The following SEPTIN9 variants were observed in gnomAD, a reference collection of about 807,000 sequenced individuals.
SEPTIN9 encodes the protein septin-9.
In SEPTIN9, 13 loss-of-function variants were observed where a neutral mutation model predicts 56.6. The ratio of observed to expected loss-of-function variants is 0.23; its 90% CI spans 0.15 to 0.37. The LOEUF is 0.37. Among genes scored for constraint, SEPTIN9 ranks in the 10% least tolerant of loss-of-function variants. The probability of loss-of-function intolerance (pLI) is 1.00; values close to 1 mark genes in which losing one functional copy is unlikely to be tolerated. For missense variants in SEPTIN9, 650 were observed against 823.1 expected, an observed-to-expected ratio of 0.79 and a Z score of 2.57; for synonymous variants, 332 against 334.1, an observed-to-expected ratio of 0.99 and a Z score of 0.07.
chr17:77,488,122 G>C (rs568470459), intron 5 of SEPTIN9, 118 bp from the exon 6 acceptor site: 4 of 887,316 alleles, frequency 4.5e-6, no homozygotes, highest in Non-Finnish European at 5.6e-6. Flanking sequence ...TTAATTTCCC[G>C]GTGTCTCCTT....
At chr17:77,387,771 G>A (rs981039766) in intron 2 of SEPTIN9, among the ~76,000 whole-genome samples, 11 of 152,172 alleles carry the variant, frequency 7.2e-5, no homozygotes, top group African/African-American at 2.7e-4. Context: ...CACTTGATGG[G>A]TGAGTGTGTG....
intron 2 of SEPTIN9, among the ~76,000 whole-genome samples, chr17:77,309,887 A>G (rs78283846): frequency 0.16 from 24,459 of 151,126 alleles, 2,147 homozygotes; most frequent in African/African-American, 0.22. Context: ...TCCTAGCCCC[A>G]CTCCTGCTGC....
Position 77,498,615 on chromosome 17 carries a change from C to T in SEPTIN9, c.1718C>T (p.Ala573Val), listed in dbSNP as rs2040378133. ...CTCAACGAGGGCAGCAGCGCCATGG[C>T]CAACGGCATGGAGGAGAAGGAGCCA... ...KRLNEGSSAM[A>V]NGMEEKEPEA... The change falls in exon 12 of 12, where the codon GCC becomes GTC. Residue 573 changes from alanine to valine, a missense_variant. By Grantham distance (64) the Ala-to-Val change is moderately conservative. Transcript: ENST00000427177. 2 of 1,610,250 alleles carry T rather than the reference C, an allele frequency of 1.2e-6. No individual in the cohort carries two copies. The highest frequency in any genetic ancestry group is 1.3e-5 in the African/African-American group (1 of 74,696).
intron 2 of SEPTIN9, among the ~76,000 whole-genome samples, chr17:77,364,963 G>A (rs2034528534): frequency 6.6e-6 from 1 of 152,252 alleles, no homozygotes; most frequent in Non-Finnish European, 1.5e-5. Flanking sequence ...AAGGGCCCCA[G>A]AGCCAGTTTT....
At chr17:77,466,206 C>T (rs1032059303) in intron 3 of SEPTIN9, among the ~76,000 whole-genome samples, 1 of 152,252 alleles carries the variant, frequency 6.6e-6, no homozygotes, top group Non-Finnish European at 1.5e-5. Context: ...TGGGCACCCA[C>T]TGCCCAGCCA....
chr17:77,410,606 T>C (rs2036260696), intron 3 of SEPTIN9, among the ~76,000 whole-genome samples: 1 of 152,262 alleles, frequency 6.6e-6, no homozygotes, highest in South Asian at 2.1e-4. Context: ...CTTTCCTCTC[T>C]GGTCCGTTTT....
Position 77,318,427 on chromosome 17 carries a change from A to G in SEPTIN9, c.76+11230A>G, listed in dbSNP as rs867293442. Reference sequence around the variant, plus strand: ...CCACAGCAAGATCTGCAACTGAATCACAGATGCAAAAACTCTTGTTCCAAA... The same window carrying G: ...CCACAGCAAGATCTGCAACTGAATCGCAGATGCAAAAACTCTTGTTCCAAA... On this transcript the variant is annotated intron_variant, in intron 2 of 11. Transcript: ENST00000427177. The surrounding 1 kb of genome is among the most constrained non-coding windows in gnomAD (Gnocchi z 4.9). Among the ~76,000 whole-genome samples, 23 of 151,844 alleles carry G rather than the reference A, an allele frequency of 1.5e-4. No homozygotes were observed. Among genetic ancestry groups the G allele is most frequent in the Admixed American group, 1.3e-4 (2 of 15,216 alleles).
intron 8 of SEPTIN9, among the ~76,000 whole-genome samples, chr17:77,491,805 CA>C (rs35233871): frequency 0.033 from 1,976 of 59,562 alleles, 46 homozygotes; most frequent in African/African-American, 0.12. Context: ...GACTCCATCT[CA>C]AAAAAAAAAA....
In SEPTIN9 at chr17:77,389,184, A is replaced by G. The variant is rs1049807509; in HGVS notation, c.77-12875A>G. Among the ~76,000 whole-genome samples the G allele has an allele frequency of 6.6e-6, 1 of 152,088 alleles. No homozygotes were observed. Among genetic ancestry groups the G allele is most frequent in the Non-Finnish European group, 1.5e-5 (1 of 68,006 alleles). On this transcript the variant is annotated intron_variant, in intron 2 of 11. Transcript: ENST00000427177. This position sits in a 1 kb window ranked among gnomAD's most constrained non-coding sequence, Gnocchi z 4.3. Reference sequence around the variant, plus strand: ...GCTGGGATGCATTTCTAAGAGCAGCATGCGTGAAGCCCGGGGTCTGGGCAA... The same window carrying G: ...GCTGGGATGCATTTCTAAGAGCAGCGTGCGTGAAGCCCGGGGTCTGGGCAA...
intron 2 of SEPTIN9, among the ~76,000 whole-genome samples, chr17:77,308,184 G>A (rs1456961111): frequency 6.6e-6 from 1 of 152,232 alleles, no homozygotes; most frequent in Non-Finnish European, 1.5e-5. Flanking sequence ...CCAACTGGGT[G>A]CCAGACCCCT....
rs115043953 is a variant in SEPTIN9, at chr17:77,480,571, G to C, written c.722-1573G>C. On this transcript the variant is annotated intron_variant, in intron 3 of 11. Transcript: ENST00000427177. Reference sequence around the variant, plus strand: ...AGAGTGAGGAGTGGGCGTGGGCCGGGAGGGCTGCCTCCTGTCTGGGAGGGC... The same window carrying C: ...AGAGTGAGGAGTGGGCGTGGGCCGGCAGGGCTGCCTCCTGTCTGGGAGGGC... Among the ~76,000 whole-genome samples the C allele has an allele frequency of 7.3e-3, 1,109 of 152,342 alleles. 19 individuals carry two copies. The highest frequency in any genetic ancestry group is 0.026 in the African/African-American group (1,066 of 41,586).
chr17:77,415,539 C>T (rs754671570), intron 3 of SEPTIN9, among the ~76,000 whole-genome samples: 4 of 149,344 alleles, frequency 2.7e-5, no homozygotes, highest in Non-Finnish European at 5.9e-5. Flanking sequence ...TTCCAGGAGG[C>T]AGAGCTTGAA....
At chr17:77,419,126 A>G (rs2036605741) in intron 3 of SEPTIN9, among the ~76,000 whole-genome samples, 1 of 152,070 alleles carries the variant, frequency 6.6e-6, no homozygotes, top group African/African-American at 2.4e-5. Flanking sequence ...GGCCAGAGAG[A>G]GACTGGAGAC....
chr17:77,300,790 A>G (rs1298538533), intron 1 of SEPTIN9, among the ~76,000 whole-genome samples: 4 of 93,460 alleles, frequency 4.3e-5, no homozygotes, highest in African/African-American at 1.7e-4. Context: ...TCCCAGCTCA[A>G]AGCGCCCCCA....
intron 2 of SEPTIN9, among the ~76,000 whole-genome samples, chr17:77,338,864 G>A (rs530563204): frequency 2.0e-4 from 31 of 152,268 alleles, no homozygotes; most frequent in African/African-American, 7.2e-4. Flanking sequence ...CCCTGGCCAC[G>A]GATTGATCAA....
At chr17:77,328,150 GGTGTCCCCGTGCCC>G (rs2033217554) in intron 2 of SEPTIN9, among the ~76,000 whole-genome samples, 1 of 146,056 alleles carries the variant, frequency 6.8e-6, no homozygotes, top group African/African-American at 2.5e-5. Flanking sequence ...CTGTGCCCAG[GGTGTCCCCGTGCCC>G]AGTGTGTCCC....
intron 4 of SEPTIN9, among the ~76,000 whole-genome samples, chr17:77,486,535 C>CGCGCGCGCGCGCGCGT (rs1343890844): frequency 8.3e-6 from 1 of 120,302 alleles, no homozygotes; most frequent in African/African-American, 3.8e-5. Context: ...CGCACGCGCG[C>CGCGCGCGCGCGCGCGT]GCGTGTTATA....
At position 77,487,059 on chromosome 17, in the gene SEPTIN9, C is replaced by CAG. The variant is rs1453493363; in HGVS notation, c.914-365_914-364insAG. On this transcript the variant is annotated intron_variant, in intron 4 of 11. Transcript: ENST00000427177. The surrounding 1 kb of genome is among the most constrained non-coding windows in gnomAD (Gnocchi z 4.3). ...CTGGTGCACCCTGGGCAGCCCTGGG[C>CAG]TCCTCCGCCAGCCCGGCCTCTGTCC... 6.6e-6 allele frequency among the ~76,000 whole-genome samples: 1 copy of CAG among 152,204 alleles called. No individual in the cohort carries two copies. Among genetic ancestry groups the CAG allele is most frequent in the Non-Finnish European group, 1.5e-5 (1 of 68,018 alleles).
rs377093783 is a variant in SEPTIN9, at chr17:77,492,626, C to G, written c.1386C>G (p.Thr462=). ...TCTCTCCCTCCTTATCCCAGATCAC[C>G]GCAGACCTGCTGTCCAACGGCATCG... ...EERVHFKQRI[T]ADLLSNGIDV... is the part of the protein sequence containing the mutation. The change falls in exon 9 of 12, where the codon ACC becomes ACG. Residue 462 remains threonine (T), a synonymous_variant. Coordinates refer to ENST00000427177, the MANE Select transcript of SEPTIN9 (RefSeq NM_001113491.2). This position sits in a 1 kb window ranked among gnomAD's most constrained non-coding sequence, Gnocchi z 5.4. 7 of 1,613,974 alleles carry G rather than the reference C, an allele frequency of 4.3e-6. No individual in the cohort carries two copies. Among genetic ancestry groups the G allele is most frequent in the Non-Finnish European group, 5.9e-6 (7 of 1,179,924 alleles).
Sources: allele counts gnomAD v4.1 joint callset (sites outside exome capture counted in the v4.1 genomes callset), GRCh38; gene constraint gnomAD v4.1.1; non-coding constraint Gnocchi (gnomAD v3.1); transcripts MANE v1.5; gene names NCBI Gene and HGNC (gene_info 2026-07-23, HGNC 2026-07-21).